Variants in CNTNAP2 observed in about 807,000 individuals in gnomAD.
The protein encoded by CNTNAP2 is contactin-associated protein-like 2.
In CNTNAP2, 98 loss-of-function variants were observed where a neutral mutation model predicts 155.2. That is an observed-to-expected ratio of 0.63 (90% CI 0.54 to 0.75). The LOEUF (loss-of-function observed/expected upper bound fraction) is 0.75, where lower values mean the gene tolerates loss of function less well. Ranked by LOEUF, CNTNAP2 falls within the 30% of genes least tolerant of loss-of-function variation. The pLI, the probability that CNTNAP2 is intolerant of heterozygous loss-of-function variation, is 0.00. For missense variants in CNTNAP2, 1,727 were observed against 1,688.1 expected (o/e 1.02, Z -0.40); for synonymous variants, 651 against 631.2 (o/e 1.03, Z -0.47).
chr7:147,548,034 T>A (rs1562991326), intron 11 of CNTNAP2, among the ~76,000 whole-genome samples: 1 of 152,212 alleles, frequency 6.6e-6, no homozygotes, highest in Non-Finnish European at 1.5e-5. Context: ...TGGTTCTATG[T>A]CTTTGCTATT....
chr7:147,139,773 G>T (rs1261483921), intron 8 of CNTNAP2, among the ~76,000 whole-genome samples: 2 of 152,024 alleles, frequency 1.3e-5, no homozygotes, highest in African/African-American at 4.8e-5. Flanking sequence ...GACTCCTTTG[G>T]AAACTCAGTA....
chr7:147,896,044 C>G (rs545363925), intron 13 of CNTNAP2, among the ~76,000 whole-genome samples: 1 of 152,320 alleles, frequency 6.6e-6, no homozygotes, highest in Admixed American at 6.5e-5. Flanking sequence ...ATCAGCCTCA[C>G]TGGGGGCATT....
intron 9 of CNTNAP2, among the ~76,000 whole-genome samples, chr7:147,384,289 C>T (rs1796592140): frequency 6.6e-6 from 1 of 152,108 alleles, no homozygotes; most frequent in Admixed American, 6.6e-5. Flanking sequence ...AAAAGTGAAA[C>T]TCATGTATAA....
rs1799756170 is a variant in CNTNAP2, at chr7:147,547,396, C to T, written c.1778-14742C>T. ...GCCACTAATGCTGCGGTTGCTTAAT[C>T]ACCATTAACACTGAGCACAGAAGCA... On this transcript the variant is annotated intron_variant, in intron 11 of 23. Coordinates refer to ENST00000361727, the MANE Select transcript of CNTNAP2 (RefSeq NM_014141.6). 2.6e-5 allele frequency among the ~76,000 whole-genome samples: 4 copies of T among 152,056 alleles called. No individual in the cohort carries two copies. In the South Asian group the frequency reaches 8.3e-4, roughly 32 times the overall value.
chr7:147,584,382 T>C (rs968750779), intron 12 of CNTNAP2, among the ~76,000 whole-genome samples: 1 of 152,210 alleles, frequency 6.6e-6, no homozygotes, highest in Non-Finnish European at 1.5e-5. Flanking sequence ...AATCAACATC[T>C]TTTTCAAGGC....
At chr7:146,730,534 A>G (rs766884317) in intron 1 of CNTNAP2, among the ~76,000 whole-genome samples, 10 of 152,138 alleles carry the variant, frequency 6.6e-5, no homozygotes, top group Non-Finnish European at 8.8e-5. Flanking sequence ...GAATTACATA[A>G]TCTCTACCCC....
At chr7:146,733,537 T>C (rs1196836644) in intron 1 of CNTNAP2, among the ~76,000 whole-genome samples, 1 of 152,106 alleles carries the variant, frequency 6.6e-6, no homozygotes, top group African/African-American at 2.4e-5. Context: ...TTTTGCTAAT[T>C]TGTTTGAACT....
At chr7:146,503,463 T>A (rs1797336643) in intron 1 of CNTNAP2, among the ~76,000 whole-genome samples, 1 of 152,246 alleles carries the variant, frequency 6.6e-6, no homozygotes, top group East Asian at 1.9e-4. Context: ...ATTCTTCCAA[T>A]GTGGCCTAGC....
intron 14 of CNTNAP2, among the ~76,000 whole-genome samples, chr7:147,970,008 C>T (rs1801306364): frequency 6.6e-6 from 1 of 151,716 alleles, no homozygotes; most frequent in East Asian, 1.9e-4. Context: ...TGGCTTGCTG[C>T]AGCCTCAACC....
chr7:146,760,408 C>CTTTTT (rs1284570579), intron 1 of CNTNAP2, among the ~76,000 whole-genome samples: 2 of 78,868 alleles, frequency 2.5e-5, no homozygotes, highest in Admixed American at 1.3e-4. Context: ...CTCCAATTTA[C>CTTTTT]CTTTTTTTTT....
chr7:146,961,648 AAAT>A (rs1301084435), intron 3 of CNTNAP2, among the ~76,000 whole-genome samples: 1 of 152,148 alleles, frequency 6.6e-6, no homozygotes, highest in Non-Finnish European at 1.5e-5. Context: ...ATGGGAACGA[AAAT>A]AATATCGTCA....
At chr7:147,392,541 T>C (rs1469009218) in intron 9 of CNTNAP2, among the ~76,000 whole-genome samples, 4 of 152,018 alleles carry the variant, frequency 2.6e-5, no homozygotes, top group East Asian at 1.9e-4. Context: ...GCAAAGTCCA[T>C]TGTATCATTT....
intron 1 of CNTNAP2, among the ~76,000 whole-genome samples, chr7:146,558,391 C>T (rs1415167961): frequency 2.6e-5 from 4 of 151,952 alleles, no homozygotes; most frequent in Admixed American, 6.6e-5. Flanking sequence ...ATTATAAGAA[C>T]GACATCTGGC....
intron 3 of CNTNAP2, among the ~76,000 whole-genome samples, chr7:146,978,485 C>G (rs1797955119): frequency 6.6e-6 from 1 of 152,182 alleles, no homozygotes; most frequent in East Asian, 1.9e-4. Flanking sequence ...AAAGTTTCCT[C>G]TAAGTAATAT....
intron 14 of CNTNAP2, among the ~76,000 whole-genome samples, chr7:147,916,557 A>G (rs1800164685): frequency 6.6e-6 from 1 of 150,570 alleles, no homozygotes. Context: ...ATTTTGAGAA[A>G]AGCAGAACTA....
At chr7:147,318,000 C>A (rs989119563) in intron 9 of CNTNAP2, among the ~76,000 whole-genome samples, 10 of 151,894 alleles carry the variant, frequency 6.6e-5, no homozygotes, top group Non-Finnish European at 1.2e-4. Flanking sequence ...ATCTCTGATT[C>A]GAAGAATGAA....
intron 2 of CNTNAP2, among the ~76,000 whole-genome samples, chr7:146,801,611 C>A (rs1218358547): frequency 6.6e-6 from 1 of 152,074 alleles, no homozygotes; most frequent in Admixed American, 6.6e-5. Context: ...TTGGTTAGAT[C>A]CAGAAATATG....
At chr7:147,523,575 G>A (rs976504359) in intron 11 of CNTNAP2, among the ~76,000 whole-genome samples, 2 of 152,128 alleles carry the variant, frequency 1.3e-5, no homozygotes, top group East Asian at 3.9e-4. Context: ...GGAGACAGCT[G>A]AAGAATTTCC....
intron 21 of CNTNAP2, among the ~76,000 whole-genome samples, chr7:148,294,684 C>T (rs1797249955): frequency 1.3e-5 from 2 of 152,120 alleles, no homozygotes; most frequent in Non-Finnish European, 2.9e-5. Flanking sequence ...TACTGTATTT[C>T]ATTAAAGCAG....
Sources: gnomAD v4.1 joint callset for allele counts (sites outside exome capture counted in the v4.1 genomes callset) on GRCh38, gnomAD v4.1.1 for gene constraint, MANE v1.5 for transcripts, NCBI Gene and HGNC (gene_info 2026-07-23, HGNC 2026-07-21) for gene names.